EBF2: variants seen among roughly 807,000 people sequenced by gnomAD.
EBF2 encodes the protein transcription factor COE2.
EBF2 carries 21 observed loss-of-function variants against 72.8 expected under a neutral mutation model. The observed-to-expected ratio is 0.29, with a 90% CI of 0.20 to 0.42. The LOEUF (loss-of-function observed/expected upper bound fraction) is 0.42. EBF2 is among the 10% of genes least tolerant of loss of function. The probability of loss-of-function intolerance (pLI) is 1.00; values close to 1 mark genes in which losing one functional copy is unlikely to be tolerated. For synonymous variants in EBF2, 299 were observed against 274.2 expected (o/e 1.09, Z -0.89); for missense variants, 637 against 731.2 (o/e 0.87, Z 1.49).
chr8:25,890,928 C>T (rs1320480948), intron 7 of EBF2, among the ~76,000 whole-genome samples: 1 of 152,202 alleles, frequency 6.6e-6, no homozygotes, highest in African/African-American at 2.4e-5. Context: ...TGGTGTGTGC[C>T]AAACTGGGAT....
chr8:25,908,989 T>G (rs1439370431), intron 6 of EBF2, among the ~76,000 whole-genome samples: 1 of 152,198 alleles, frequency 6.6e-6, no homozygotes, highest in Non-Finnish European at 1.5e-5. Flanking sequence ...CCCAGACACC[T>G]TCATGCTCAT....
At chr8:25,900,609 CT>C (rs1802936108) in intron 7 of EBF2, among the ~76,000 whole-genome samples, 1 of 152,186 alleles carries the variant, frequency 6.6e-6, no homozygotes, top group East Asian at 1.9e-4. Context: ...TGGACCTAAT[CT>C]AAAAAGGGAG....
At chr8:25,997,616 C>A (rs1296850615) in intron 6 of EBF2, among the ~76,000 whole-genome samples, 1 of 151,564 alleles carries the variant, frequency 6.6e-6, no homozygotes, top group Non-Finnish European at 1.5e-5. Context: ...TTCTAACCAT[C>A]TCCATCTGAC....
chr8:25,965,837 G>GA (rs1267598089), intron 6 of EBF2, among the ~76,000 whole-genome samples: 1 of 152,238 alleles, frequency 6.6e-6, no homozygotes, highest in Non-Finnish European at 1.5e-5. Flanking sequence ...GTAAACAGCA[G>GA]ATTAAGTAGA....
chr8:25,865,809 A>G (rs894038193), intron 10 of EBF2, among the ~76,000 whole-genome samples: 4 of 151,380 alleles, frequency 2.6e-5, no homozygotes, highest in African/African-American at 9.7e-5. Context: ...GCAGATCATG[A>G]GGTCAGGAGA....
intron 6 of EBF2, among the ~76,000 whole-genome samples, chr8:25,939,982 C>T (rs550202548): frequency 1.4e-4 from 21 of 152,118 alleles, no homozygotes; most frequent in Non-Finnish European, 2.9e-4. Flanking sequence ...GTCAAGGGTG[C>T]CATAAAGAGA....
chr8:25,873,861 C>A (rs17054516), intron 10 of EBF2, among the ~76,000 whole-genome samples: 3 of 152,116 alleles, frequency 2.0e-5, no homozygotes, highest in South Asian at 4.1e-4. Context: ...ATATTATAGC[C>A]GAGTGTGCCA....
At chr8:25,960,818 T>C (rs1804023145) in intron 6 of EBF2, among the ~76,000 whole-genome samples, 1 of 152,234 alleles carries the variant, frequency 6.6e-6, no homozygotes, top group South Asian at 2.1e-4. Flanking sequence ...AACCAGATTA[T>C]AATATGTAAT....
At chr8:25,945,088 G>GCCCCCCCC (rs11461828) in intron 6 of EBF2, among the ~76,000 whole-genome samples, 134 of 127,372 alleles carry the variant, frequency 1.1e-3, no homozygotes, top group African/African-American at 1.4e-3. Context: ...TTGTTCTGTT[G>GCCCCCCCC]CCCCCCCCGC....
At chr8:25,947,132 A>T (rs1803783688) in intron 6 of EBF2, among the ~76,000 whole-genome samples, 1 of 152,158 alleles carries the variant, frequency 6.6e-6, no homozygotes, top group South Asian at 2.1e-4. Context: ...TCTCCACCCA[A>T]ATCTCATCTT....
chr8:25,904,012 GA>G (rs1179693434), intron 7 of EBF2, among the ~76,000 whole-genome samples: 1 of 152,162 alleles, frequency 6.6e-6, no homozygotes, highest in Non-Finnish European at 1.5e-5. Flanking sequence ...AGATCACCAG[GA>G]AAAGTCCTAA....
intron 7 of EBF2, among the ~76,000 whole-genome samples, chr8:25,906,562 T>C (rs372853325): frequency 6.6e-6 from 1 of 151,836 alleles, no homozygotes; most frequent in Non-Finnish European, 1.5e-5. Context: ...AGGTCTGGAG[T>C]TTCAGACCAG....
At chr8:25,953,917 C>T (rs995941715) in intron 6 of EBF2, among the ~76,000 whole-genome samples, 3 of 152,168 alleles carry the variant, frequency 2.0e-5, no homozygotes, top group Non-Finnish European at 2.9e-5. Context: ...CCCAGCAGCA[C>T]ATTAGGTTGC....
intron 6 of EBF2, among the ~76,000 whole-genome samples, chr8:25,917,371 G>A (rs1803235661): frequency 6.6e-6 from 1 of 152,020 alleles, no homozygotes; most frequent in Non-Finnish European, 1.5e-5. Flanking sequence ...TGAACTCTTT[G>A]GGCTTGAATT....
chr8:25,886,930 C>T, intron 9 of EBF2, 49 bp from the exon 10 acceptor site: 2 of 1,598,350 alleles, frequency 1.3e-6, no homozygotes, highest in Non-Finnish European at 1.7e-6. Context: ...GACAAGCCAT[C>T]ACCAAGGACA....
chr8:25,844,451 A>G lies in EBF2; in HGVS notation c.*158T>C. 1 of 711,398 alleles carries G rather than the reference A, an allele frequency of 1.4e-6. No homozygotes were observed. The allele number at this position is 711,398 out of a possible 1,614,324, so 44.1% of individuals were successfully genotyped here. ...TAGCCACCATCAGAGCTATAGGAGG[A>G]CGTGGGACCAAGTAAGATGCTGGCT... On this transcript the variant is annotated 3_prime_UTR_variant, in exon 16 of 16. Coordinates refer to ENST00000520164, the MANE Select transcript of EBF2 (RefSeq NM_022659.4).
chr8:26,044,146 G>A lies in EBF2; in HGVS notation c.131+583C>T, dbSNP rs893639460. ...GGCTCACTGTTTTATCTTTGAGCCG[G>A]GACCCTCCAGCCTGTCCCCCCTCCC... On this transcript the variant is annotated intron_variant, in intron 1 of 15. Transcript: ENST00000520164. The surrounding 1 kb of genome is among the most constrained non-coding windows in gnomAD (Gnocchi z 4.1). 2.6e-5 allele frequency among the ~76,000 whole-genome samples: 4 copies of A among 152,282 alleles called. No individual in the cohort carries two copies. The highest frequency in any genetic ancestry group is 2.6e-4 in the Admixed American group (4 of 15,304).
intron 6 of EBF2, among the ~76,000 whole-genome samples, chr8:25,997,433 TG>T (rs1359176842): frequency 1.3e-4 from 20 of 151,880 alleles, no homozygotes; most frequent in African/African-American, 4.8e-5. Context: ...TAACCAAGCA[TG>T]ATGGTGTGCA....
intron 7 of EBF2, among the ~76,000 whole-genome samples, chr8:25,890,834 G>A (rs1585183801): frequency 1.3e-5 from 2 of 152,156 alleles, no homozygotes. Flanking sequence ...TCCAAAACCC[G>A]AAATCAGAAG....
Sources: allele counts gnomAD v4.1 joint callset (sites outside exome capture counted in the v4.1 genomes callset), GRCh38; gene constraint gnomAD v4.1.1; non-coding constraint Gnocchi (gnomAD v3.1); transcripts MANE v1.5; gene names NCBI Gene and HGNC (gene_info 2026-07-23, HGNC 2026-07-21).